The following RSAD2 variants were observed in gnomAD, a reference collection of about 807,000 sequenced individuals.
The protein encoded by RSAD2 is S-adenosylmethionine-dependent nucleotide dehydratase RSAD2.
RSAD2 carries 38 observed loss-of-function variants against 37.7 expected under a neutral mutation model. The observed-to-expected ratio is 1.01, with a 90% confidence interval of 0.78 to 1.32. The LOEUF (loss-of-function observed/expected upper bound fraction) is 1.32. RSAD2 is among the 40% of genes most tolerant of loss of function. The pLI is 0.00. For missense variants in RSAD2, 428 were observed against 437.5 expected (o/e 0.98, Z 0.19); for synonymous variants, 163 against 157.4 (o/e 1.04, Z -0.27).
At chr2:6,871,781 G>A (rs1440331685) in intron 1 of RSAD2, among the ~76,000 whole-genome samples, 4 of 152,068 alleles carry the variant, frequency 2.6e-5, no homozygotes, top group Non-Finnish European at 5.9e-5. Context: ...CATAAATTAA[G>A]CAAATAAGTC....
intron 1 of RSAD2, among the ~76,000 whole-genome samples, chr2:6,870,331 TTAAA>T (rs1329268628): frequency 6.6e-6 from 1 of 152,232 alleles, no homozygotes; most frequent in African/African-American, 2.4e-5. Flanking sequence ...CTCAGTTGTC[TTAAA>T]TAATTTCAAG....
intron 3 of RSAD2, 106 bp downstream of exon 3, chr2:6,887,270 T>A: frequency 1.3e-6 from 1 of 780,302 alleles, no homozygotes; most frequent in South Asian, 1.8e-5. Flanking sequence ...ACTCTGGACC[T>A]CGCAAGCCAG....
chr2:6,870,343 A>G (rs1020309384), intron 1 of RSAD2, among the ~76,000 whole-genome samples: 5 of 152,180 alleles, frequency 3.3e-5, no homozygotes, highest in Admixed American at 1.3e-4. Flanking sequence ...AAATAATTTC[A>G]AGGAACAGTA....
At chr2:6,868,843 T>G (rs1663154010) in intron 1 of RSAD2, among the ~76,000 whole-genome samples, 1 of 152,202 alleles carries the variant, frequency 6.6e-6, no homozygotes, top group South Asian at 2.1e-4. Context: ...ATGATTGCTG[T>G]TGGGCCAAAC....
At chr2:6,885,808 C>G (rs1438617667) in intron 2 of RSAD2, among the ~76,000 whole-genome samples, 1 of 152,168 alleles carries the variant, frequency 6.6e-6, no homozygotes, top group Non-Finnish European at 1.5e-5. Flanking sequence ...GTTTGGAGAT[C>G]AGGTGCTCAG....
chr2:6,891,538 T>C (rs1171483303), intron 4 of RSAD2, among the ~76,000 whole-genome samples: 1 of 152,082 alleles, frequency 6.6e-6, no homozygotes. Context: ...GGGGCTGAGA[T>C]GGGCGGATCA....
At chr2:6,891,069 A>C (rs1484341093) in intron 4 of RSAD2, among the ~76,000 whole-genome samples, 1 of 152,198 alleles carries the variant, frequency 6.6e-6, no homozygotes, top group African/African-American at 2.4e-5. Flanking sequence ...TAAAAGTGAA[A>C]TATGTTAACA....
At chr2:6,882,157 G>C (rs1412891749) in intron 1 of RSAD2, among the ~76,000 whole-genome samples, 1 of 152,150 alleles carries the variant, frequency 6.6e-6, no homozygotes, top group Non-Finnish European at 1.5e-5. Context: ...CTTCATCACA[G>C]AAATTCCATT....
At position 6,886,955 on chromosome 2, in the gene RSAD2, G is replaced by T. The variant is rs761589207; in HGVS notation, c.529G>T (p.Ala177Ser). Reference protein sequence around the residue: ...QNYGEYLDILAISCDSFDEEV... With the variant: ...QNYGEYLDILSISCDSFDEEV... ...CTCAGGTGAGTATTTGGACATTCTCGCTATCTCCTGTGACAGCTTTGACGA... is the reference window on the plus strand; with the variant it reads ...CTCAGGTGAGTATTTGGACATTCTCTCTATCTCCTGTGACAGCTTTGACGA... Residue 177 changes from alanine to serine, a missense_variant, in exon 3 of 6, where the codon GCT (alanine) becomes TCT (serine). Coordinates refer to ENST00000382040, the MANE Select transcript of RSAD2 (RefSeq NM_080657.5). The T allele has an allele frequency of 6.2e-7, 1 of 1,613,964 alleles. No homozygotes were observed. Among genetic ancestry groups the T allele is most frequent in the East Asian group, 2.2e-5 (1 of 44,882 alleles).
At chr2:6,872,700 T>C (rs2103236116) in intron 1 of RSAD2, among the ~76,000 whole-genome samples, 1 of 152,252 alleles carries the variant, frequency 6.6e-6, no homozygotes. Context: ...ATAAGCTGCA[T>C]GAAAAGAAAG....
intron 5 of RSAD2, 119 bp from the exon 6 acceptor site, chr2:6,895,659 C>G: frequency 1.1e-6 from 1 of 936,384 alleles, no homozygotes; most frequent in Non-Finnish European, 1.6e-6. Flanking sequence ...CCACAGATTT[C>G]AAAAGATACC....
chr2:6,894,827 C>G (rs1363968874), intron 5 of RSAD2, among the ~76,000 whole-genome samples: 5 of 152,156 alleles, frequency 3.3e-5, no homozygotes. Flanking sequence ...CTTAATAGAG[C>G]ATAAGGGAAA....
chr2:6,866,356 C>T, intron 1 of RSAD2: 1 of 853,352 alleles, frequency 1.2e-6, no homozygotes, highest in South Asian at 5.2e-5. Context: ...CTGGCTCTTC[C>T]CTCTCCTGTA....
intron 2 of RSAD2, among the ~76,000 whole-genome samples, chr2:6,884,758 A>G (rs1036963522): frequency 7.2e-5 from 11 of 152,244 alleles, no homozygotes; most frequent in African/African-American, 2.7e-4. Flanking sequence ...GCATCGCGCC[A>G]TATTCCTATA....
intron 1 of RSAD2, 147 bp from the exon 2 acceptor site, chr2:6,883,224 G>A: frequency 1.3e-6 from 1 of 766,224 alleles, no homozygotes; most frequent in East Asian, 2.7e-5. Flanking sequence ...CATTGGGTGG[G>A]ATTGGTGTTG....
chr2:6,895,512 A>C (rs974878641), intron 5 of RSAD2, among the ~76,000 whole-genome samples: 1 of 152,206 alleles, frequency 6.6e-6, no homozygotes, highest in Non-Finnish European at 1.5e-5. Context: ...CCCCCAGTGG[A>C]ACTACATCTG....
chr2:6,891,160 C>T (rs1056057338), intron 4 of RSAD2, among the ~76,000 whole-genome samples: 5 of 150,636 alleles, frequency 3.3e-5, no homozygotes, highest in Non-Finnish European at 7.4e-5. Context: ...CCAAAAAAAG[C>T]AAAACATCCA....
Position 6,898,033 on chromosome 2 carries a change from GA to G in RSAD2, c.*2094del, listed in dbSNP as rs1030615457. 5 of 144,872 alleles carry G rather than the reference GA, an allele frequency of 3.5e-5. No homozygotes were observed. Among genetic ancestry groups the G allele is most frequent in the Admixed American group, 2.8e-4 (4 of 14,494 alleles). 9.0% of individuals were successfully genotyped at this position (144,872 alleles called of 1,614,324 possible). On this transcript the variant is annotated 3_prime_UTR_variant, in exon 6 of 6. Coordinates refer to ENST00000382040, the MANE Select transcript of RSAD2 (RefSeq NM_080657.5). ...AAAAAAAGCAAGAGAGTTCAACTAA[GA>G]AAGGTCACATATGTGAAAGCCCAAG...
chr2:6,879,455 C>T (rs1487433509), intron 1 of RSAD2, among the ~76,000 whole-genome samples: 1 of 152,128 alleles, frequency 6.6e-6, no homozygotes, highest in African/African-American at 2.4e-5. Flanking sequence ...GCCTGTCACA[C>T]TCATTTTCTC....
Sources: gnomAD v4.1 joint callset for allele counts (sites outside exome capture counted in the v4.1 genomes callset) on GRCh38, gnomAD v4.1.1 for gene constraint, MANE v1.5 for transcripts, NCBI Gene and HGNC (gene_info 2026-07-23, HGNC 2026-07-21) for gene names.